Variants in PDE7B observed in about 807,000 individuals in gnomAD.
PDE7B encodes the protein phosphodiesterase 7B.
PDE7B carries 29 observed loss-of-function variants against 56.2 expected under a neutral mutation model. The observed-to-expected ratio is 0.52, with a 90% confidence interval of 0.38 to 0.70. The LOEUF (loss-of-function observed/expected upper bound fraction) is 0.70, where lower values mean the gene tolerates loss of function less well. Ranked by LOEUF, PDE7B falls within the 30% of genes least tolerant of loss-of-function variation. PDE7B has a pLI of 0.00. For missense variants in PDE7B, 490 were observed against 565.0 expected, an observed-to-expected ratio of 0.87 and a Z score of 1.35; for synonymous variants, 197 against 196.9, an observed-to-expected ratio of 1.00 and a Z score of 0.00.
intron 3 of PDE7B, among the ~76,000 whole-genome samples, chr6:136,133,777 C>T (rs1778160529): frequency 6.6e-6 from 1 of 152,108 alleles, no homozygotes; most frequent in Admixed American, 6.6e-5. Flanking sequence ...AGCTGAATGC[C>T]TCTGACCAGG....
chr6:136,005,677 A>G (rs1775769659), intron 2 of PDE7B, among the ~76,000 whole-genome samples: 1 of 152,210 alleles, frequency 6.6e-6, no homozygotes, highest in South Asian at 2.1e-4. Flanking sequence ...ACCAGTTAGA[A>G]TGGCAATCAT....
intron 3 of PDE7B, among the ~76,000 whole-genome samples, chr6:136,119,099 G>A (rs1196724622): frequency 6.6e-6 from 1 of 152,196 alleles, no homozygotes; most frequent in Non-Finnish European, 1.5e-5. Context: ...ATTAAAGTCA[G>A]ATTTGTAGCT....
chr6:135,855,029 G>A lies in PDE7B; in HGVS notation c.21+3010G>A, dbSNP rs187024225. Among the ~76,000 whole-genome samples, 14 of 152,214 alleles carry A rather than the reference G, an allele frequency of 9.2e-5. No individual in the cohort carries two copies. In the East Asian group the frequency reaches 1.2e-3, roughly 13 times the overall value. ...TTTCATGAAGTGCACTAGAAAGGGC[G>A]GTGAACAGAGGTAGTGAACCAAGGT... On this transcript the variant is annotated intron_variant, in intron 1 of 12. Transcript: ENST00000308191.
chr6:136,124,484 A>C (rs1777987874), intron 3 of PDE7B, among the ~76,000 whole-genome samples: 1 of 152,242 alleles, frequency 6.6e-6, no homozygotes, highest in Non-Finnish European at 1.5e-5. Flanking sequence ...GCTATATAAA[A>C]CAATGTCAAA....
chr6:136,115,546 A>C (rs1340826516), intron 3 of PDE7B, among the ~76,000 whole-genome samples: 1 of 152,188 alleles, frequency 6.6e-6, no homozygotes, highest in Non-Finnish European at 1.5e-5. Context: ...TCTGAGAAAA[A>C]ACATATTCAA....
chr6:136,008,572 C>A (rs546461719), intron 2 of PDE7B, among the ~76,000 whole-genome samples: 1 of 152,194 alleles, frequency 6.6e-6, no homozygotes, highest in African/African-American at 2.4e-5. Context: ...ATTTCCATTT[C>A]TCTGATGGCC....
intron 3 of PDE7B, among the ~76,000 whole-genome samples, chr6:136,119,058 G>C (rs1422385969): frequency 6.6e-6 from 1 of 152,138 alleles, no homozygotes; most frequent in African/African-American, 2.4e-5. Flanking sequence ...TGCCCCCAAA[G>C]AAGAAGGAAA....
chr6:135,970,724 T>C (rs1405296476), intron 2 of PDE7B, among the ~76,000 whole-genome samples: 1 of 152,142 alleles, frequency 6.6e-6, no homozygotes, highest in Non-Finnish European at 1.5e-5. Flanking sequence ...TGCTTTTGTA[T>C]GGAAAATAGA....
intron 3 of PDE7B, 142 bp downstream of exon 3, chr6:136,108,956 C>G (rs1459679876): frequency 1.8e-5 from 12 of 653,282 alleles, no homozygotes; most frequent in Middle Eastern, 3.6e-4. Flanking sequence ...AGAACTTAAC[C>G]CTTTGTCTTT....
At chr6:136,182,494 G>A (rs926211812) in intron 11 of PDE7B, among the ~76,000 whole-genome samples, 4 of 152,100 alleles carry the variant, frequency 2.6e-5, no homozygotes, top group East Asian at 1.9e-4. Context: ...GTGAGAGAGG[G>A]GCTAAGATCT....
intron 1 of PDE7B, among the ~76,000 whole-genome samples, chr6:135,901,131 A>T (rs1316678983): frequency 6.6e-6 from 1 of 152,188 alleles, no homozygotes; most frequent in Non-Finnish European, 1.5e-5. Flanking sequence ...CACAGAGGGG[A>T]TGACCTTCTA....
chr6:136,058,215 T>C (rs1239978406), intron 2 of PDE7B, among the ~76,000 whole-genome samples: 1 of 152,174 alleles, frequency 6.6e-6, no homozygotes, highest in Non-Finnish European at 1.5e-5. Context: ...CATACAGTAA[T>C]AGTTTATCTC....
intron 1 of PDE7B, among the ~76,000 whole-genome samples, chr6:135,916,188 T>C (rs774477144): frequency 2.6e-5 from 4 of 152,166 alleles, no homozygotes; most frequent in Non-Finnish European, 4.4e-5. Flanking sequence ...AGAGTTTCAG[T>C]TGCTCCACGT....
intron 2 of PDE7B, among the ~76,000 whole-genome samples, chr6:135,981,843 T>C (rs1775302741): frequency 6.6e-6 from 1 of 151,978 alleles, no homozygotes; most frequent in South Asian, 2.1e-4. Flanking sequence ...ATAACATAGT[T>C]GTTTATTCTC....
chr6:135,905,757 A>G (rs2128192711), intron 1 of PDE7B, among the ~76,000 whole-genome samples: 1 of 152,174 alleles, frequency 6.6e-6, no homozygotes, highest in Middle Eastern at 3.4e-3. Context: ...GGCCAGCATG[A>G]CGCTAAACGC....
At chr6:136,119,120 G>A (rs574738576) in intron 3 of PDE7B, among the ~76,000 whole-genome samples, 1 of 152,264 alleles carries the variant, frequency 6.6e-6, no homozygotes, top group South Asian at 2.1e-4. Context: ...GCCACCAGTT[G>A]CTTTAATTTT....
At chr6:136,161,613 T>C (rs549896034) in intron 8 of PDE7B, among the ~76,000 whole-genome samples, 7 of 152,316 alleles carry the variant, frequency 4.6e-5, no homozygotes, top group African/African-American at 7.2e-5. Flanking sequence ...AGGGAACCCA[T>C]TGCAGTAATA....
chr6:136,045,076 G>T (rs1358089718), intron 2 of PDE7B: 2 of 148,526 alleles, frequency 1.3e-5, no homozygotes, highest in Non-Finnish European at 3.0e-5. Context: ...TTTAACTCAC[G>T]AAAGTAACTG....
At chr6:136,079,988 C>A (rs1440330135) in intron 2 of PDE7B, among the ~76,000 whole-genome samples, 3 of 152,084 alleles carry the variant, frequency 2.0e-5, no homozygotes, top group East Asian at 3.9e-4. Flanking sequence ...TAAAGAGCAA[C>A]AAGGTCTGGG....
Sources: allele counts gnomAD v4.1 joint callset (sites outside exome capture counted in the v4.1 genomes callset), GRCh38; gene constraint gnomAD v4.1.1; transcripts MANE v1.5; gene names NCBI Gene and HGNC (gene_info 2026-07-23, HGNC 2026-07-21).